Variants in TG observed in about 807,000 individuals in gnomAD.
TG encodes the protein thyroglobulin.
Under a neutral mutation model 324.7 loss-of-function variants are expected in TG, and 270 were observed. The observed-to-expected ratio is 0.83, with a 90% CI of 0.75 to 0.92. TG has a LOEUF of 0.92. Ranked by LOEUF, TG falls within the 40% of genes least tolerant of loss-of-function variation. The pLI, the probability that TG is intolerant of heterozygous loss-of-function variation, is 0.00. For synonymous variants in TG, 1,401 were observed against 1,327.0 expected (o/e 1.06, Z -1.21); for missense variants, 3,591 against 3,456.4 (o/e 1.04, Z -0.98).
chr8:132,933,516 T>TC (rs1563972048), intron 23 of TG, 45 bp from the exon 24 acceptor site: 1 of 1,558,498 alleles, frequency 6.4e-7, no homozygotes, highest in East Asian at 2.3e-5. Flanking sequence ...GCCCTCAGCA[T>TC]CCCCCGGGAA....
chr8:132,893,930 G>A lies in TG; in HGVS notation c.3001+1G>A. The stretch of plus-strand genomic sequence containing the variant: ...GCCATTCGCCTGGCGGCTCAGTCTA[G>A]TGAGTGTGGTGCCCTTCAGCTTTCT... On this transcript the variant is annotated splice_donor_variant, in intron 11 of 47. Coordinates refer to ENST00000220616, the MANE Select transcript of TG (RefSeq NM_003235.5). LOFTEE classifies it high-confidence loss of function. 6.2e-7 allele frequency: 1 copy of A among 1,614,060 alleles called. No individual in the cohort carries two copies. The highest frequency in any genetic ancestry group is 8.5e-7 in the Non-Finnish European group (1 of 1,179,960).
chr8:132,941,279 G>A, intron 25 of TG, 72 bp from the exon 26 acceptor site: 2 of 1,579,406 alleles, frequency 1.3e-6, no homozygotes. Flanking sequence ...ACTGTCCTGT[G>A]AGATCAGTAA....
rs1839488254 is a variant in TG at position 132,871,609 on chromosome 8, A to G, written c.478+58A>G. On this transcript the variant is annotated intron_variant, in intron 4 of 47. Transcript: ENST00000220616. ...CTGGGGAGGGGCTGAAGCTTTCCTC[A>G]CTGCGATCCAACACATTTAGGGTTT... The G allele has an allele frequency of 5.2e-6, 8 of 1,553,026 alleles. No individual in the cohort carries two copies. In the South Asian group the frequency reaches 8.1e-5, roughly 16 times the overall value.
At chr8:133,124,139 C>T (rs1016277343) in intron 45 of TG, among the ~76,000 whole-genome samples, 1 of 152,214 alleles carries the variant, frequency 6.6e-6, no homozygotes, top group African/African-American at 2.4e-5. Context: ...AGCCTCTCAT[C>T]TTAAAATGCC....
intron 35 of TG, among the ~76,000 whole-genome samples, chr8:133,004,544 A>G (rs1430749154): frequency 6.6e-6 from 1 of 152,214 alleles, no homozygotes; most frequent in Non-Finnish European, 1.5e-5. Flanking sequence ...CCAGTGCCTC[A>G]GTGTCCCCAT....
rs1815497851 is a variant in TG at position 132,886,877 on chromosome 8, A to G, written c.1505A>G (p.Gln502Arg). The G allele has an allele frequency of 6.2e-7, 1 of 1,614,072 alleles. No homozygotes were observed. The highest frequency in any genetic ancestry group is 1.3e-5 in the African/African-American group (1 of 74,926). Residue 502 changes from glutamine to arginine, a missense_variant, in exon 9 of 48, where the codon CAG (glutamine) becomes CGG (arginine). Physicochemically the swap from Gln to Arg is conservative, Grantham distance 43. Transcript: ENST00000220616. ...ACATTTAACTTCAGTCAATTTTTCCAGCAACTTGGTCTTGCAAGCTTCTTG... is the reference window on the plus strand; with the variant it reads ...ACATTTAACTTCAGTCAATTTTTCCGGCAACTTGGTCTTGCAAGCTTCTTG... The part of the protein sequence containing the change: ...RGTFNFSQFF[Q>R]QLGLASFLNG...
At chr8:132,939,970 C>G (rs957666935) in intron 25 of TG, among the ~76,000 whole-genome samples, 5 of 152,126 alleles carry the variant, frequency 3.3e-5, no homozygotes, top group Non-Finnish European at 7.4e-5. Flanking sequence ...GCCACCATGC[C>G]CGGCCCCAGT....
chr8:132,932,726 T>C (rs985362622), intron 23 of TG, among the ~76,000 whole-genome samples: 1 of 152,176 alleles, frequency 6.6e-6, no homozygotes, highest in East Asian at 1.9e-4. Flanking sequence ...CTGCCCTCAT[T>C]AAGCGCATGG....
At chr8:133,077,264 G>A (rs1845033055) in intron 41 of TG, among the ~76,000 whole-genome samples, 1 of 152,178 alleles carries the variant, frequency 6.6e-6, no homozygotes, top group South Asian at 2.1e-4. Context: ...GCAGACAAGA[G>A]AGAGGCCCAT....
intron 45 of TG, among the ~76,000 whole-genome samples, chr8:133,119,247 G>A (rs749308340): frequency 9.2e-5 from 14 of 152,134 alleles, no homozygotes; most frequent in South Asian, 2.1e-4. Context: ...TTATTCATCC[G>A]CTTTCTCCAA....
intron 10 of TG, among the ~76,000 whole-genome samples, chr8:132,890,576 T>TA (rs1306208085): frequency 5.3e-5 from 8 of 152,196 alleles, no homozygotes; most frequent in Non-Finnish European, 1.0e-4. Context: ...GACAGAACAG[T>TA]AGCTGTCTTG....
chr8:132,872,695 C>A (rs1222988309), intron 4 of TG, among the ~76,000 whole-genome samples: 1 of 152,158 alleles, frequency 6.6e-6, no homozygotes, highest in Non-Finnish European at 1.5e-5. Context: ...GTACCCCATA[C>A]AGGTGTACTA....
At chr8:133,051,199 G>A (rs1444821831) in intron 41 of TG, among the ~76,000 whole-genome samples, 2 of 152,186 alleles carry the variant, frequency 1.3e-5, no homozygotes, top group African/African-American at 4.8e-5. Context: ...GATGAGTCAT[G>A]GGGTCTGGCT....
chr8:132,928,307 G>C (rs1822187029), intron 22 of TG, among the ~76,000 whole-genome samples: 1 of 152,182 alleles, frequency 6.6e-6, no homozygotes, highest in South Asian at 2.1e-4. Flanking sequence ...ATGTGCCTTT[G>C]AGGTTGTACA....
intron 30 of TG, among the ~76,000 whole-genome samples, chr8:132,966,971 C>T (rs945750485): frequency 6.6e-6 from 1 of 151,866 alleles, no homozygotes; most frequent in African/African-American, 2.4e-5. Flanking sequence ...ATCCATCTAC[C>T]CATCCATCCC....
intron 29 of TG, among the ~76,000 whole-genome samples, chr8:132,965,448 C>T (rs1828412488): frequency 6.6e-6 from 1 of 152,222 alleles, no homozygotes; most frequent in South Asian, 2.1e-4. Flanking sequence ...CCCAAGTCCA[C>T]AGCAAAGTGG....
intron 29 of TG, chr8:132,964,892 G>A (rs969632749): frequency 2.8e-6 from 2 of 702,178 alleles, no homozygotes; most frequent in Non-Finnish European, 5.2e-6. Context: ...GCCAGGAAAG[G>A]TTTCTCGGAG....
chr8:132,995,352 G>A (rs1170059989), intron 35 of TG: 1 of 985,074 alleles, frequency 1.0e-6, no homozygotes, highest in Non-Finnish European at 1.2e-6. Context: ...TGCTCCTGCA[G>A]AGATCAGACA....
In TG at chr8:133,042,678, C is replaced by CCTTTTTTTTTT. The variant is rs1554706932; in HGVS notation, c.7239+12655_7239+12656insCTTTTTTTTTT. Among the ~76,000 whole-genome samples, 199 of 56,766 alleles carry CCTTTTTTTTTT rather than the reference C, an allele frequency of 3.5e-3. 21 individuals are homozygous for CCTTTTTTTTTT. The highest frequency in any genetic ancestry group is 0.012 in the East Asian group (27 of 2,280). The allele number at this position is 56,766 out of a possible 152,430, so 37.2% of individuals were successfully genotyped here. ...GTGCACAATTCCTCTCATTCTGTGT[C>CCTTTTTTTTTT]TTTTTTTTTTTTTTTTTTTTTTTTT... is the stretch of plus-strand genomic sequence containing the variant. On this transcript the variant is annotated intron_variant, in intron 41 of 47. Transcript: ENST00000220616.
Sources: gnomAD v4.1 joint callset for allele counts (sites outside exome capture counted in the v4.1 genomes callset) on GRCh38, gnomAD v4.1.1 for gene constraint, MANE v1.5 for transcripts, NCBI Gene and HGNC (gene_info 2026-07-23, HGNC 2026-07-21) for gene names.